The following PSMD2 variants were observed in gnomAD, a reference collection of about 807,000 sequenced individuals.
PSMD2 encodes the protein 26S proteasome non-ATPase regulatory subunit 2.
A neutral mutation model predicts 101.5 loss-of-function variants in PSMD2; 8 were observed. That is an observed-to-expected ratio of 0.08 (90% confidence interval 0.05 to 0.14). The LOEUF is 0.14. Among genes scored for constraint, PSMD2 ranks in the 10% least tolerant of loss-of-function variants. PSMD2 has a pLI of 1.00. For synonymous variants in PSMD2, 418 were observed against 433.8 expected (o/e 0.96, Z 0.45); for missense variants, 784 against 1,147.4 (o/e 0.68, Z 4.58).
At chr3:184,299,705 C>G in intron 1 of PSMD2, 146 bp from the exon 2 acceptor site, 1 of 712,604 alleles carries the variant, frequency 1.4e-6, no homozygotes, top group South Asian at 1.8e-5. Flanking sequence ...TGATTTCTCA[C>G]CAGGGCTTCC....
intron 10 of PSMD2, 97 bp from the exon 11 acceptor site, chr3:184,303,850 T>A (rs1479670986): frequency 6.2e-7 from 1 of 1,604,022 alleles, no homozygotes. Context: ...AGTTTTTAAC[T>A]CTAGTTAATA....
rs114588647 is a variant in PSMD2 at position 184,307,968 on chromosome 3, G to A, written c.2377G>A (p.Val793Met). The A allele has an allele frequency of 1.2e-5, 20 of 1,614,094 alleles. No homozygotes were observed. The highest frequency in any genetic ancestry group is 4.5e-5 in the East Asian group (2 of 44,876). The change falls in exon 19 of 21, where the codon GTG (valine) becomes ATG (methionine). Residue 793 changes from valine (V) to methionine (M), a missense_variant. Physicochemically the swap from Val to Met is conservative, Grantham distance 21. Transcript: ENST00000310118. ...CCGGCAGCTTATGAGCCAGGTGGCC[G>A]TGGCTGGACTGCTCACTGTGCTTGT... ...SDRQLMSQVA[V>M]AGLLTVLVSF...
rs1464813677 is a variant in PSMD2 at position 184,307,692 on chromosome 3, T to C, written c.2282T>C (p.Met761Thr). The change falls in exon 18 of 21, where the codon ATG becomes ACG. Residue 761 changes from methionine to threonine, a missense_variant. Coordinates refer to ENST00000310118, the MANE Select transcript of PSMD2 (RefSeq NM_002808.5). ...GCCAAGGACCCAAACAACCTCTTCA[T>C]GGTGCGCTTGGCACAGGTAAAGAAT... ...YHAKDPNNLF[M>T]VRLAQGLTHL... 5 of 1,614,156 alleles carry C rather than the reference T, an allele frequency of 3.1e-6. No individual in the cohort carries two copies. In the South Asian group the frequency reaches 5.5e-5, roughly 18 times the overall value.
At position 184,305,827 on chromosome 3, in the gene PSMD2, T is replaced by C. The variant is rs1478858495; in HGVS notation, c.1599T>C (p.Asp533=). 1.2e-6 allele frequency: 2 copies of C among 1,614,206 alleles called. No individual in the cohort carries two copies. Among genetic ancestry groups the C allele is most frequent in the East Asian group, 2.2e-5 (1 of 44,888 alleles). ...GMIAVGSCNG[D]VTSTILQTIM... is the part of the protein sequence containing the mutation. ...TAGCAGTAGGGTCCTGCAATGGAGA[T>C]GTAACTTCCACTATCCTTCAGACCA... is the stretch of plus-strand genomic sequence containing the variant. The change falls in exon 13 of 21, where the codon GAT becomes GAC. Residue 533 remains aspartate (D), a synonymous_variant. Coordinates refer to ENST00000310118, the MANE Select transcript of PSMD2 (RefSeq NM_002808.5).
Position 184,306,113 on chromosome 3 carries a change from C to G in PSMD2, c.1762C>G (p.Arg588Gly), listed in dbSNP as rs778492670. Residue 588 changes from arginine (R) to glycine (G), a missense_variant, in exon 14 of 21, where the codon CGC becomes GGC. By Grantham distance (125) the Arg-to-Gly change is moderately radical. Around this residue, in one of 6 missense-constraint regions of PSMD2, gnomAD observed 282 missense variants for 437.6 expected, o/e 0.64. Transcript: ENST00000310118. ...ACTGGAGGTTGTGTCAGAGCCATTC[C>G]GCAGTTTTGCCAACACACTGGTGGA... The part of the protein sequence containing the change: ...AALEVVSEPF[R>G]SFANTLVDVC... 19 of 1,614,064 alleles carry G rather than the reference C, an allele frequency of 1.2e-5. No individual in the cohort carries two copies. Among genetic ancestry groups the G allele is most frequent in the Non-Finnish European group, 2.5e-6 (3 of 1,180,046 alleles).
At position 184,304,472 on chromosome 3, in the gene PSMD2, A is replaced by G; in HGVS notation, c.1539+81A>G. The G allele has an allele frequency of 6.9e-7, 1 of 1,442,952 alleles. No homozygotes were observed. The highest frequency in any genetic ancestry group is 1.7e-5 in the Admixed American group (1 of 59,612). The allele number at this position is 1,442,952 out of a possible 1,614,324, so 89.4% of individuals were successfully genotyped here. A position where few individuals can be genotyped will look rare whatever the true frequency, so the allele number is the denominator to read the frequency against. ...CTTTCTGTGATAAATAATGAAAAAG[A>G]AGTAAGTGTGTGCATGTGTGCATAC... is the stretch of plus-strand genomic sequence containing the variant. On this transcript the variant is annotated intron_variant, in intron 12 of 20. Transcript: ENST00000310118. This position sits in a 1 kb window ranked among gnomAD's most constrained non-coding sequence, Gnocchi z 4.1.
Position 184,302,468 on chromosome 3 carries a change from T to G in PSMD2, c.803T>G (p.Leu268Trp). ...AGCCGCTTCCCTGAAGCTCTGAGATTGGCATTGATGCTCAATGACATGGAG... is the reference window on the plus strand; with the variant it reads ...AGCCGCTTCCCTGAAGCTCTGAGATGGGCATTGATGCTCAATGACATGGAG... ...KFSRFPEALRLALMLNDMELV... is the reference protein window; with the variant it reads ...KFSRFPEALRWALMLNDMELV... The change falls in exon 6 of 21, where the codon TTG becomes TGG. Residue 268 changes from leucine (L) to tryptophan (W), a missense_variant. By Grantham distance (61) the Leu-to-Trp change is moderately conservative (BLOSUM62 -2). Around this residue, in one of 6 missense-constraint regions of PSMD2, gnomAD observed 208 missense variants for 301.6 expected, o/e 0.69. Coordinates refer to ENST00000310118, the MANE Select transcript of PSMD2 (RefSeq NM_002808.5). 6.2e-7 allele frequency: 1 copy of G among 1,614,222 alleles called. No individual in the cohort carries two copies. The highest frequency in any genetic ancestry group is 2.2e-5 in the East Asian group (1 of 44,888).
chr3:184,301,413 T>C, intron 3 of PSMD2, 124 bp from the exon 4 acceptor site: 1 of 1,251,604 alleles, frequency 8.0e-7, no homozygotes, highest in Non-Finnish European at 1.1e-6. Context: ...ACATGTTAAA[T>C]TTCTAGTACA....
chr3:184,299,844 C>T lies in PSMD2; in HGVS notation c.136-7C>T, dbSNP rs1275609071. The T allele has an allele frequency of 6.8e-6, 11 of 1,612,100 alleles. No homozygotes were observed. The highest frequency in any genetic ancestry group is 1.7e-5 in the Admixed American group (1 of 60,008). On this transcript the variant is annotated splice_polypyrimidine_tract_variant and splice_region_variant and intron_variant, in intron 1 of 20. Coordinates refer to ENST00000310118, the MANE Select transcript of PSMD2 (RefSeq NM_002808.5). ...CTCTTCATGAGCTGCTTCTCCCAAC[C>T]CTCCAGTCTGAAGAGGATAAACAGC...
In PSMD2 at chr3:184,307,337, G is replaced by A. The variant is rs778144873; in HGVS notation, c.2035-20G>A. 2.5e-5 allele frequency: 41 copies of A among 1,613,246 alleles called. No homozygotes were observed. Among genetic ancestry groups the A allele is most frequent in the Non-Finnish European group, 3.5e-5 (41 of 1,179,380 alleles). On this transcript the variant is annotated intron_variant, in intron 16 of 20. Coordinates refer to ENST00000310118, the MANE Select transcript of PSMD2 (RefSeq NM_002808.5). ...TTTTACTGCATTCCGCCTTACTGTT[G>A]TATTTTCTTGGATCATCAGCTGAGA... is the stretch of plus-strand genomic sequence containing the variant.
chr3:184,307,941 G>A lies in PSMD2; in HGVS notation c.2350G>A (p.Asp784Asn), dbSNP rs1420815799. Residue 784 changes from aspartate to asparagine, a missense_variant, in exon 19 of 21, where the codon GAC becomes AAC. Around this residue, in one of 6 missense-constraint regions of PSMD2, gnomAD observed 282 missense variants for 437.6 expected, o/e 0.64. Transcript: ENST00000310118. Reference sequence around the variant, plus strand: ...CCTTACCCTCTGCCCCTACCACAGCGACCGGCAGCTTATGAGCCAGGTGGC... The same window carrying A: ...CCTTACCCTCTGCCCCTACCACAGCAACCGGCAGCTTATGAGCCAGGTGGC... ...GTLTLCPYHS[D>N]RQLMSQVAVA... is the part of the protein sequence containing the mutation. 11 of 1,613,942 alleles carry A rather than the reference G, an allele frequency of 6.8e-6. No individual in the cohort carries two copies. The highest frequency in any genetic ancestry group is 1.7e-5 in the Admixed American group (1 of 59,994).
Position 184,302,447 on chromosome 3 carries a change from G to T in PSMD2, c.782G>T (p.Arg261Leu). 1 of 1,614,146 alleles carries T rather than the reference G, an allele frequency of 6.2e-7. No individual in the cohort carries two copies. Among genetic ancestry groups the T allele is most frequent in the Non-Finnish European group, 8.5e-7 (1 of 1,180,026 alleles). Residue 261 changes from arginine to leucine, a missense_variant, in exon 6 of 21, where the codon CGC becomes CTC. Coordinates refer to ENST00000310118, the MANE Select transcript of PSMD2 (RefSeq NM_002808.5). ...CALGVFRKFSRFPEALRLALM... is the reference protein window; with the variant it reads ...CALGVFRKFSLFPEALRLALM... ...CTGGGTGTGTTCCGAAAGTTTAGCC[G>T]CTTCCCTGAAGCTCTGAGATTGGCA...
chr3:184,301,895 A>T lies in PSMD2; in HGVS notation c.528A>T (p.Ala176=). Residue 176 remains alanine (A), a synonymous_variant, in exon 5 of 21, where the codon GCA becomes GCT. Transcript: ENST00000310118. ...VAKEWQELDD[A]EKVQREPLLT... is the part of the protein sequence containing the mutation. ...AGGAGTGGCAGGAGCTGGATGACGCAGAGAAGGTCCAGCGGGAGCCTCTGC... is the reference window on the plus strand; with the variant it reads ...AGGAGTGGCAGGAGCTGGATGACGCTGAGAAGGTCCAGCGGGAGCCTCTGC... The T allele has an allele frequency of 6.2e-7, 1 of 1,614,236 alleles. No individual in the cohort carries two copies. The highest frequency in any genetic ancestry group is 8.5e-7 in the Non-Finnish European group (1 of 1,180,054).
At chr3:184,302,630 T>C (rs371408918) in intron 6 of PSMD2, 49 bp from the exon 7 acceptor site, 6 of 1,613,070 alleles carry the variant, frequency 3.7e-6, no homozygotes, top group African/African-American at 2.7e-5. Context: ...GGGGTTTTCC[T>C]GTGCCCTTAG....
chr3:184,303,961 T>C lies in PSMD2; in HGVS notation c.1338T>C (p.Leu446=), dbSNP rs1215220782. The C allele has an allele frequency of 1.2e-6, 2 of 1,614,150 alleles. No individual in the cohort carries two copies. Among genetic ancestry groups the C allele is most frequent in the African/African-American group, 2.7e-5 (2 of 74,942 alleles). The part of the protein sequence containing the change: ...SEDYIKSGAL[L]ACGIVNSGVR... ...GCTCTTTGTAGTCAGGAGCTCTTCTTGCCTGTGGCATAGTGAACTCTGGGG... is the reference window on the plus strand; with the variant it reads ...GCTCTTTGTAGTCAGGAGCTCTTCTCGCCTGTGGCATAGTGAACTCTGGGG... Residue 446 remains leucine (L), a synonymous_variant, in exon 11 of 21, where the codon CTT becomes CTC. Transcript: ENST00000310118.
chr3:184,299,452 G>T, intron 1 of PSMD2, 51 bp downstream of exon 1: 1 of 1,310,674 alleles, frequency 7.6e-7, no homozygotes, highest in Non-Finnish European at 9.7e-7. Flanking sequence ...GCTGAGTCAC[G>T]GCGGCTCCGC....
Position 184,308,645 on chromosome 3 carries a change from C to A in PSMD2, c.2545-63C>A. On this transcript the variant is annotated intron_variant, in intron 20 of 20. Coordinates refer to ENST00000310118, the MANE Select transcript of PSMD2 (RefSeq NM_002808.5). This position sits in a 1 kb window ranked among gnomAD's most constrained non-coding sequence, Gnocchi z 6.0. ...TGTACATATACTTGCTTTGCTGAAA[C>A]TGGCGTGGGCGGTGGCTTGTCGCTA... is the stretch of plus-strand genomic sequence containing the variant. 6.3e-7 allele frequency: 1 copy of A among 1,585,338 alleles called. No homozygotes were observed. Among genetic ancestry groups the A allele is most frequent in the Non-Finnish European group, 8.6e-7 (1 of 1,156,726 alleles).
At chr3:184,302,549 C>T (rs912934264) in intron 6 of PSMD2, 21 bp downstream of exon 6, 2 of 1,613,096 alleles carry the variant, frequency 1.2e-6, no homozygotes, top group Non-Finnish European at 1.7e-6. Flanking sequence ...AAGAAGCTGG[C>T]AAAGAGATAA....
rs1166655531 is a variant in PSMD2, at chr3:184,308,183, T to A, written c.2425+167T>A. Among the ~76,000 whole-genome samples, 1 of 152,214 alleles carries A rather than the reference T, an allele frequency of 6.6e-6. No homozygotes were observed. The highest frequency in any genetic ancestry group is 1.9e-4 in the East Asian group (1 of 5,204). On this transcript the variant is annotated intron_variant, in intron 19 of 20. Coordinates refer to ENST00000310118, the MANE Select transcript of PSMD2 (RefSeq NM_002808.5). This position sits in a 1 kb window ranked among gnomAD's most constrained non-coding sequence, Gnocchi z 6.0. The stretch of plus-strand genomic sequence containing the variant: ...GACATGAGACTTTCATCACCCACAC[T>A]TTTGATCTGGCCCAAAGAGATTTGA...
Sources: allele counts gnomAD v4.1 joint callset (sites outside exome capture counted in the v4.1 genomes callset), GRCh38; gene constraint gnomAD v4.1.1; regional missense constraint gnomAD v4.1.1; non-coding constraint Gnocchi (gnomAD v3.1); transcripts MANE v1.5; gene names NCBI Gene and HGNC (gene_info 2026-07-23, HGNC 2026-07-21).